The following FRMD4A variants were observed in gnomAD, a reference collection of about 807,000 sequenced individuals.
The protein encoded by FRMD4A is FERM domain-containing protein 4A.
FRMD4A carries 29 observed loss-of-function variants against 129.1 expected under a neutral mutation model. The observed-to-expected ratio is 0.22, with a 90% CI of 0.17 to 0.31. The LOEUF (loss-of-function observed/expected upper bound fraction) is 0.31, where lower values mean the gene tolerates loss of function less well. Ranked by LOEUF, FRMD4A falls within the 10% of genes least tolerant of loss-of-function variation. The pLI is 1.00. For missense variants in FRMD4A, 1,272 were observed against 1,375.8 expected, an observed-to-expected ratio of 0.92 and a Z score of 1.19; for synonymous variants, 634 against 571.6, an observed-to-expected ratio of 1.11 and a Z score of -1.56.
chr10:14,226,963 A>C (rs557269976), intron 2 of FRMD4A, among the ~76,000 whole-genome samples: 1 of 152,148 alleles, frequency 6.6e-6, no homozygotes, highest in Non-Finnish European at 1.5e-5. Flanking sequence ...AACGGAGCCC[A>C]ATGACCCTCC....
At chr10:14,185,122 C>G (rs897160963) in intron 2 of FRMD4A, among the ~76,000 whole-genome samples, 1 of 152,192 alleles carries the variant, frequency 6.6e-6, no homozygotes, top group Admixed American at 6.5e-5. Context: ...ATGTCTGTGT[C>G]TGAACAGGTT....
chr10:14,190,666 G>A (rs997789121), intron 2 of FRMD4A, among the ~76,000 whole-genome samples: 4 of 152,230 alleles, frequency 2.6e-5, no homozygotes, highest in Admixed American at 1.3e-4. Flanking sequence ...GATTACCGGC[G>A]TGAGCCCCGG....
At chr10:13,728,465 T>TC (rs111603169) in intron 12 of FRMD4A, among the ~76,000 whole-genome samples, 3,759 of 151,680 alleles carry the variant, frequency 0.025, 163 homozygotes, top group African/African-American at 0.084. Context: ...AGTCTGACTT[T>TC]CCCCCATGAA....
intron 8 of FRMD4A, among the ~76,000 whole-genome samples, 162 bp from the exon 9 acceptor site, chr10:13,747,981 C>T (rs2091375597): frequency 1.3e-5 from 2 of 152,284 alleles, no homozygotes; most frequent in South Asian, 4.1e-4. Context: ...TTCCGAAATA[C>T]AGATGTAAAC....
Position 13,645,572 on chromosome 10 carries a change from T to TCTTTCCTCCTCTTTTG in FRMD4A, c.*1450_*1465dup, listed in dbSNP as rs1053324712. On this transcript the variant is annotated 3_prime_UTR_variant, in exon 25 of 25. Transcript: ENST00000357447. ...AGCTCCCACACATTAATTTTTTTCT[T>TCTTTCCTCCTCTTTTG]CTTTCCTCCTCTTTTGGTATCTGCA... The TCTTTCCTCCTCTTTTG allele has an allele frequency of 6.6e-6, 1 of 152,650 alleles. No homozygotes were observed. Among genetic ancestry groups the TCTTTCCTCCTCTTTTG allele is most frequent in the Non-Finnish European group, 1.5e-5 (1 of 68,046 alleles). The allele number at this position is 152,650 out of a possible 1,614,324, so 9.5% of individuals were successfully genotyped here. A position where few individuals can be genotyped will look rare whatever the true frequency, so the allele number is the denominator to read the frequency against.
At chr10:14,329,128 G>T (rs1335256035) in intron 2 of FRMD4A, among the ~76,000 whole-genome samples, 1 of 152,206 alleles carries the variant, frequency 6.6e-6, no homozygotes, top group Non-Finnish European at 1.5e-5. Flanking sequence ...GCCTTGCAAA[G>T]TTGCATTTCC....
rs1328589909 is a variant in FRMD4A, at chr10:14,152,256, T to C, written c.45+177802A>G. ...CATTCTCCTGCCTCAGCCTCCCGAG[T>C]AGCTGGGACTACAGACACCCGCCAC... On this transcript the variant is annotated intron_variant, in intron 2 of 24. Transcript: ENST00000357447. 4.0e-5 allele frequency among the ~76,000 whole-genome samples: 6 copies of C among 150,000 alleles called. No homozygotes were observed. The Admixed American group carries it at 4.0e-4, about 10-fold the overall frequency.
chr10:14,242,042 G>A (rs1230229114), intron 2 of FRMD4A, among the ~76,000 whole-genome samples: 1 of 152,134 alleles, frequency 6.6e-6, no homozygotes, highest in African/African-American at 2.4e-5. Context: ...CCTGGAGGAG[G>A]ACCTGTTGCC....
At chr10:14,174,381 G>C (rs1180032198) in intron 2 of FRMD4A, among the ~76,000 whole-genome samples, 1 of 152,100 alleles carries the variant, frequency 6.6e-6, no homozygotes, top group Non-Finnish European at 1.5e-5. Context: ...CTCTGTCTTA[G>C]GTAACGCATT....
At chr10:13,756,213 A>G (rs1310739038) in intron 8 of FRMD4A, 1 of 152,224 alleles carries the variant, frequency 6.6e-6, no homozygotes, top group African/African-American at 2.4e-5. Context: ...AAAATTCTAT[A>G]GAACAGATGT....
chr10:13,983,165 C>T (rs930678941), intron 2 of FRMD4A, among the ~76,000 whole-genome samples: 2 of 152,170 alleles, frequency 1.3e-5, no homozygotes, highest in East Asian at 3.9e-4. Flanking sequence ...TTCACCATGT[C>T]GGCCAGGCTG....
At chr10:13,967,027 G>A (rs1454364206) in intron 2 of FRMD4A, among the ~76,000 whole-genome samples, 1 of 152,230 alleles carries the variant, frequency 6.6e-6, no homozygotes, top group African/African-American at 2.4e-5. Flanking sequence ...TAAGCTATGA[G>A]GATGCACAGG....
At chr10:14,080,653 T>A (rs1387592194) in intron 2 of FRMD4A, among the ~76,000 whole-genome samples, 1 of 151,988 alleles carries the variant, frequency 6.6e-6, no homozygotes, top group African/African-American at 2.4e-5. Flanking sequence ...TGGAAGCCAC[T>A]AAGCCAGCCC....
chr10:13,686,712 A>C (rs896165360), intron 15 of FRMD4A, among the ~76,000 whole-genome samples: 3 of 152,234 alleles, frequency 2.0e-5, no homozygotes, highest in Admixed American at 6.5e-5. Flanking sequence ...TGGCCATCTC[A>C]GTAATCACAC....
chr10:14,330,797 C>T lies in FRMD4A; in HGVS notation c.-282G>A. On this transcript the variant is annotated 5_prime_UTR_variant, in exon 1 of 25. Coordinates refer to ENST00000357447, the MANE Select transcript of FRMD4A (RefSeq NM_018027.5). The stretch of plus-strand genomic sequence containing the variant: ...CACCTTCCCCAGATCTACTTTTCCT[C>T]TCCAAGTAGACTGGCCAGCTCAGCT... The T allele has an allele frequency of 2.5e-6, 1 of 398,872 alleles. No homozygotes were observed. The highest frequency in any genetic ancestry group is 4.4e-6 in the Non-Finnish European group (1 of 226,280). 24.7% of individuals were successfully genotyped at this position (398,872 alleles called of 1,614,324 possible).
chr10:13,784,758 G>A (rs964440606), intron 5 of FRMD4A, among the ~76,000 whole-genome samples: 2 of 152,202 alleles, frequency 1.3e-5, no homozygotes, highest in Non-Finnish European at 2.9e-5. Context: ...GGAGGCTGAG[G>A]TGGGGGGAAT....
At chr10:13,998,820 T>A (rs796138969) in intron 2 of FRMD4A, among the ~76,000 whole-genome samples, 19 of 152,282 alleles carry the variant, frequency 1.2e-4, no homozygotes, top group African/African-American at 4.6e-4. Context: ...ACTAGTAACC[T>A]CATGCAACAC....
intron 3 of FRMD4A, among the ~76,000 whole-genome samples, chr10:13,825,483 G>A (rs2093688623): frequency 6.6e-6 from 1 of 152,192 alleles, no homozygotes; most frequent in Non-Finnish European, 1.5e-5. Context: ...GCATGCGAGG[G>A]ATCTAGGTTG....
At chr10:13,967,269 G>A (rs1455063021) in intron 2 of FRMD4A, among the ~76,000 whole-genome samples, 4 of 152,104 alleles carry the variant, frequency 2.6e-5, no homozygotes, top group African/African-American at 9.7e-5. Context: ...CCCGGGAGGC[G>A]GAGCTTGCGG....
Sources: gnomAD v4.1 joint callset for allele counts (sites outside exome capture counted in the v4.1 genomes callset) on GRCh38, gnomAD v4.1.1 for gene constraint, MANE v1.5 for transcripts, NCBI Gene and HGNC (gene_info 2026-07-23, HGNC 2026-07-21) for gene names.